UBE3A: variants seen among roughly 807,000 people sequenced by gnomAD.
UBE3A encodes ubiquitin-protein ligase E3A.
A neutral mutation model predicts 83.4 loss-of-function variants in UBE3A; 6 were observed. The ratio of observed to expected loss-of-function variants is 0.07; its 90% CI spans 0.04 to 0.14. UBE3A has a LOEUF of 0.14. Among genes scored for constraint, UBE3A ranks in the 10% least tolerant of loss-of-function variants. The pLI is 1.00. For synonymous variants in UBE3A, 337 were observed against 355.4 expected (o/e 0.95, Z 0.58); for missense variants, 456 against 1,036.1 (o/e 0.44, Z 7.69).
chr15:25,346,972 AC>A (rs1415549517), intron 11 of UBE3A: 1 of 152,220 alleles, frequency 6.6e-6, no homozygotes, highest in Non-Finnish European at 1.5e-5. Flanking sequence ...ACACAAACTT[AC>A]AGCTTCAAGA....
chr15:25,348,591 T>A (rs2076055953), intron 11 of UBE3A, among the ~76,000 whole-genome samples: 1 of 152,164 alleles, frequency 6.6e-6, no homozygotes, highest in Admixed American at 6.5e-5. Context: ...TGAAATCTAC[T>A]AAATAACTAC....
At chr15:25,375,297 C>A (rs2081027368) in intron 5 of UBE3A, 168 bp downstream of exon 5, 1 of 733,218 alleles carries the variant, frequency 1.4e-6, no homozygotes, top group African/African-American at 1.8e-5. Flanking sequence ...AATGATTAGA[C>A]CTGTAAAATG....
chr15:25,369,588 T>C (rs1214716156), intron 6 of UBE3A, among the ~76,000 whole-genome samples: 2 of 152,140 alleles, frequency 1.3e-5, no homozygotes, highest in African/African-American at 4.8e-5. Flanking sequence ...ATAGTATTAT[T>C]AACTACCTTA....
rs1185803283 is a variant in UBE3A at position 25,367,387 on chromosome 15, A to ATGTC, written c.1608+3175_1608+3178dup. On this transcript the variant is annotated intron_variant, in intron 6 of 12. Transcript: ENST00000648336. ...TTGTAAAAACCTCATCACATTAGGA[A>ATGTC]TGTCATTCAAATGAAAGGTGAAGTC... 5.9e-5 allele frequency among the ~76,000 whole-genome samples: 9 copies of ATGTC among 151,826 alleles called. No individual in the cohort carries two copies. In the South Asian group the frequency reaches 1.5e-3, roughly 25 times the overall value.
intron 4 of UBE3A, among the ~76,000 whole-genome samples, chr15:25,380,916 T>C (rs2082067099): frequency 6.6e-6 from 1 of 152,214 alleles, no homozygotes; most frequent in South Asian, 2.1e-4. Context: ...TACTTTCCAA[T>C]TATTTATTTC....
chr15:25,371,546 T>C lies in UBE3A; in HGVS notation c.628A>G (p.Arg210Gly). 6.2e-7 allele frequency: 1 copy of C among 1,614,180 alleles called. No homozygotes were observed. Among genetic ancestry groups the C allele is most frequent in the Non-Finnish European group, 8.5e-7 (1 of 1,180,026 alleles). ...MEEDSEASSS[R>G]IGDSSQGDNN... The stretch of plus-strand genomic sequence containing the variant: ...TCTCCCTGTGAGCTATCACCTATCC[T>C]TGAGGAAGATGCTTCTGAGTCTTCT... Residue 210 changes from arginine to glycine, a missense_variant, in exon 6 of 13, where the codon AGG becomes GGG. Physicochemically the swap from Arg to Gly is moderately radical, Grantham distance 125 (BLOSUM62 -2). This residue lies in a region of UBE3A where 42 missense variants were observed against 41.8 expected (regional missense o/e 1.00). Coordinates refer to ENST00000648336, the MANE Select transcript of UBE3A (RefSeq NM_130839.5). This position sits in a 1 kb window ranked among gnomAD's most constrained non-coding sequence, Gnocchi z 5.3.
At chr15:25,420,436 G>A (rs1385673380) in intron 1 of UBE3A, among the ~76,000 whole-genome samples, 2 of 151,916 alleles carry the variant, frequency 1.3e-5, no homozygotes, top group Non-Finnish European at 2.9e-5. Flanking sequence ...TTCCTCTCTC[G>A]GTAATTAGTA....
intron 4 of UBE3A, among the ~76,000 whole-genome samples, chr15:25,404,704 A>G (rs980821262): frequency 5.3e-5 from 8 of 152,132 alleles, no homozygotes; most frequent in African/African-American, 1.7e-4. Flanking sequence ...CTACTGAGCA[A>G]ATTCTTTGCT....
chr15:25,335,446 G>A lies in UBE3A; in HGVS notation c.*3691C>T, dbSNP rs1283890482. 2 of 152,234 alleles carry A rather than the reference G, an allele frequency of 1.3e-5. No individual in the cohort carries two copies. Among genetic ancestry groups the A allele is most frequent in the Non-Finnish European group, 2.9e-5 (2 of 68,082 alleles). The allele number at this position is 152,234 out of a possible 1,614,324, so 9.4% of individuals were successfully genotyped here. On this transcript the variant is annotated 3_prime_UTR_variant, in exon 13 of 13. Coordinates refer to ENST00000648336, the MANE Select transcript of UBE3A (RefSeq NM_130839.5). ...GCACAATGAAAAGGATTGGAAGAGG[G>A]AGATGAGAGTCAGGGAGTGAAATTA...
Position 25,394,752 on chromosome 15 carries a change from C to T in UBE3A, c.62+10709G>A, listed in dbSNP as rs559987777. The stretch of plus-strand genomic sequence containing the variant: ...AGTTTATATATATACATAAACTGAT[C>T]CTAAAAAATTCTTCCTACATTTCTG... On this transcript the variant is annotated intron_variant, in intron 4 of 12. Transcript: ENST00000648336. 2.0e-5 allele frequency among the ~76,000 whole-genome samples: 3 copies of T among 152,182 alleles called. No individual in the cohort carries two copies. The South Asian group carries it at 6.2e-4, about 32-fold the overall frequency.
chr15:25,344,869 A>C (rs1311911298), intron 11 of UBE3A, among the ~76,000 whole-genome samples: 1 of 152,206 alleles, frequency 6.6e-6, no homozygotes, highest in African/African-American at 2.4e-5. Flanking sequence ...TAACAGATTA[A>C]GGTAATGATA....
Position 25,371,545 on chromosome 15 carries a change from C to T in UBE3A, c.629G>A (p.Arg210Lys). Residue 210 changes from arginine to lysine, a missense_variant, in exon 6 of 13, where the codon AGG becomes AAG. Around this residue, in one of 13 missense-constraint regions of UBE3A, gnomAD observed 42 missense variants for 41.8 expected, o/e 1.00. Coordinates refer to ENST00000648336, the MANE Select transcript of UBE3A (RefSeq NM_130839.5). This position sits in a 1 kb window ranked among gnomAD's most constrained non-coding sequence, Gnocchi z 5.3. ...MEEDSEASSS[R>K]IGDSSQGDNN... Reference sequence around the variant, plus strand: ...GTCTCCCTGTGAGCTATCACCTATCCTTGAGGAAGATGCTTCTGAGTCTTC... The same window carrying T: ...GTCTCCCTGTGAGCTATCACCTATCTTTGAGGAAGATGCTTCTGAGTCTTC... 1 of 1,614,160 alleles carries T rather than the reference C, an allele frequency of 6.2e-7. No individual in the cohort carries two copies. The highest frequency in any genetic ancestry group is 8.5e-7 in the Non-Finnish European group (1 of 1,180,020).
At chr15:25,354,317 G>A in intron 11 of UBE3A, 36 bp downstream of exon 11, 1 of 1,599,400 alleles carries the variant, frequency 6.3e-7, no homozygotes, top group Non-Finnish European at 8.6e-7. Flanking sequence ...CCCCTTTGGT[G>A]AATCAAATCT....
intron 4 of UBE3A, 69 bp from the exon 5 acceptor site, chr15:25,375,832 ATC>A: frequency 1.9e-6 from 3 of 1,544,456 alleles, no homozygotes; most frequent in Non-Finnish European, 2.6e-6. Flanking sequence ...TCAACATATC[ATC>A]AAGGCAAAAG....
intron 1 of UBE3A, among the ~76,000 whole-genome samples, chr15:25,425,242 T>C (rs1438742503): frequency 2.0e-5 from 3 of 152,200 alleles, no homozygotes; most frequent in Non-Finnish European, 4.4e-5. Context: ...CCCATTTATA[T>C]GAAATATCCA....
intron 4 of UBE3A, among the ~76,000 whole-genome samples, chr15:25,398,703 AT>A (rs2086173543): frequency 1.4e-5 from 2 of 147,280 alleles, no homozygotes; most frequent in African/African-American, 5.0e-5. Context: ...TATCATGGGT[AT>A]TGCAAATGAT....
chr15:25,425,328 C>G (rs1329167889), intron 1 of UBE3A, among the ~76,000 whole-genome samples: 1 of 152,066 alleles, frequency 6.6e-6, no homozygotes, highest in East Asian at 1.9e-4. Context: ...TGGCTGCTAA[C>G]AGGTTAGGAT....
intron 4 of UBE3A, among the ~76,000 whole-genome samples, chr15:25,387,829 A>G (rs1187260900): frequency 1.3e-5 from 2 of 152,204 alleles, no homozygotes; most frequent in Non-Finnish European, 2.9e-5. Context: ...TAATCAAGGG[A>G]TATTATGAAC....
intron 4 of UBE3A, among the ~76,000 whole-genome samples, chr15:25,398,820 T>TATATAC (rs2086379411): frequency 7.9e-6 from 1 of 127,148 alleles, no homozygotes. Flanking sequence ...TATATAAAAA[T>TATATAC]ACATATATAT....
Sources: allele counts gnomAD v4.1 joint callset (sites outside exome capture counted in the v4.1 genomes callset), GRCh38; gene constraint gnomAD v4.1.1; regional missense constraint gnomAD v4.1.1; non-coding constraint Gnocchi (gnomAD v3.1); transcripts MANE v1.5; gene names NCBI Gene and HGNC (gene_info 2026-07-23, HGNC 2026-07-21).